CDH1: variants seen among roughly 807,000 people sequenced by gnomAD.
CDH1 encodes cadherin-1.
CDH1 carries 35 observed loss-of-function variants against 84.5 expected under a neutral mutation model. That is an observed-to-expected ratio of 0.41 (90% CI 0.32 to 0.55). The LOEUF is 0.55. CDH1 is among the 20% of genes least tolerant of loss of function. The pLI is 0.19. For missense variants in CDH1, 994 were observed against 1,126.6 expected (o/e 0.88, Z 1.68); for synonymous variants, 417 against 439.0 (o/e 0.95, Z 0.63).
rs3074434 is a variant in CDH1, at chr16:68,786,534, C to CTTTTTTTTTTTTTTTT, written c.164-15132_164-15117dup. Reference sequence around the variant, plus strand: ...CTTTCTGCTTTCTTTTTTTTTTTTTCTTTTTTTTTTTTTTTTTTTGGTATT... The same window carrying CTTTTTTTTTTTTTTTT: ...CTTTCTGCTTTCTTTTTTTTTTTTTCTTTTTTTTTTTTTTTTTTTTTTTTTTTTTTTTTTTGGTATT... On this transcript the variant is annotated intron_variant, in intron 2 of 15. Transcript: ENST00000261769. Among the ~76,000 whole-genome samples the CTTTTTTTTTTTTTTTT allele has an allele frequency of 2.5e-3, 185 of 73,946 alleles. 7 individuals are homozygous for CTTTTTTTTTTTTTTTT. The highest frequency in any genetic ancestry group is 2.9e-3 in the African/African-American group (50 of 16,950). 48.5% of individuals were successfully genotyped at this position (73,946 alleles called of 152,430 possible). A position where few individuals can be genotyped will look rare whatever the true frequency, so the allele number is the denominator to read the frequency against.
At chr16:68,792,871 C>T (rs1402442390) in intron 2 of CDH1, among the ~76,000 whole-genome samples, 1 of 152,222 alleles carries the variant, frequency 6.6e-6, no homozygotes, top group Non-Finnish European at 1.5e-5. Context: ...GCCAAGGGGA[C>T]TTTGCTCCCT....
At chr16:68,762,595 C>G (rs1959251192) in intron 2 of CDH1, among the ~76,000 whole-genome samples, 1 of 152,060 alleles carries the variant, frequency 6.6e-6, no homozygotes, top group African/African-American at 2.4e-5. Flanking sequence ...TTGCTCCTCT[C>G]AGAAACAAAA....
chr16:68,810,118 C>T, intron 5 of CDH1, 79 bp from the exon 6 acceptor site: 1 of 1,492,508 alleles, frequency 6.7e-7, no homozygotes, highest in South Asian at 1.1e-5. Context: ...CAGGGGGGCG[C>T]ACTCTGCTCT....
chr16:68,814,229 G>C (rs750660431), intron 9 of CDH1: 1 of 153,204 alleles, frequency 6.5e-6, no homozygotes, highest in South Asian at 2.1e-4. Flanking sequence ...GTGAGACTTC[G>C]TCTCAAAAAA....
chr16:68,783,388 CAA>C (rs375080273), intron 2 of CDH1, among the ~76,000 whole-genome samples: 11 of 61,950 alleles, frequency 1.8e-4, no homozygotes, highest in Non-Finnish European at 2.7e-4. Context: ...CAGAGTATCT[CAA>C]AAAAAAAAAA....
At chr16:68,811,198 G>T (rs1037115488) in intron 6 of CDH1, among the ~76,000 whole-genome samples, 4 of 151,964 alleles carry the variant, frequency 2.6e-5, no homozygotes, top group Non-Finnish European at 5.9e-5. Flanking sequence ...AGGAGTTTGA[G>T]ACCAGCCTGA....
chr16:68,833,869 C>G lies in CDH1; in HGVS notation c.*370C>G, dbSNP rs1335210274. On this transcript the variant is annotated 3_prime_UTR_variant, in exon 16 of 16. Coordinates refer to ENST00000261769, the MANE Select transcript of CDH1 (RefSeq NM_004360.5). ...CACTTTTAAAAAGAAGGGGAGAAGTCAGCTACTCTAGTTCTGTTGTTTTGT... is the reference window on the plus strand; with the variant it reads ...CACTTTTAAAAAGAAGGGGAGAAGTGAGCTACTCTAGTTCTGTTGTTTTGT... 2 of 381,968 alleles carry G rather than the reference C, an allele frequency of 5.2e-6. No individual in the cohort carries two copies. The highest frequency in any genetic ancestry group is 4.3e-5 in the Admixed American group (1 of 23,074). The allele number at this position is 381,968 out of a possible 1,614,324, so 23.7% of individuals were successfully genotyped here.
intron 2 of CDH1, among the ~76,000 whole-genome samples, chr16:68,792,165 T>C (rs1960224553): frequency 6.6e-6 from 1 of 150,494 alleles, no homozygotes; most frequent in African/African-American, 2.5e-5. Flanking sequence ...AGGTGATCCA[T>C]CTGCCTCAGC....
intron 10 of CDH1, among the ~76,000 whole-genome samples, chr16:68,818,239 CAAA>C (rs576537213): frequency 7.2e-5 from 6 of 83,548 alleles, no homozygotes; most frequent in Non-Finnish European, 5.7e-5. Context: ...GACTCTGTCC[CAAA>C]AAAAAAAAAA....
In CDH1 at chr16:68,825,074, T is replaced by C. The variant is rs184044648; in HGVS notation, c.2164+1448T>C. 3.3e-4 allele frequency among the ~76,000 whole-genome samples: 50 copies of C among 150,654 alleles called. 1 individual carries two copies. The East Asian group carries it at 5.0e-3, about 15-fold the overall frequency. Reference sequence around the variant, plus strand: ...CAGCCTGGGCAACAAAGCAAGACTGTCTCTACAAAATAAAAATAAAAAATA... The same window carrying C: ...CAGCCTGGGCAACAAAGCAAGACTGCCTCTACAAAATAAAAATAAAAAATA... On this transcript the variant is annotated intron_variant, in intron 13 of 15. Transcript: ENST00000261769.
At chr16:68,777,534 CTTTT>C (rs71148949) in intron 2 of CDH1, among the ~76,000 whole-genome samples, 8 of 76,966 alleles carry the variant, frequency 1.0e-4, no homozygotes, top group Admixed American at 4.1e-4. Context: ...GTAATGTTTC[CTTTT>C]TTTTTTTTTT....
rs570128373 is a variant in CDH1 at position 68,813,585 on chromosome 16, G to T, written c.1320+90G>T. 4.2e-5 allele frequency: 55 copies of T among 1,321,092 alleles called. No homozygotes were observed. In the East Asian group the frequency reaches 9.2e-4, roughly 22 times the overall value. The allele number at this position is 1,321,092 out of a possible 1,614,324, so 81.8% of individuals were successfully genotyped here. A position where few individuals can be genotyped will look rare whatever the true frequency, so the allele number is the denominator to read the frequency against. On this transcript the variant is annotated intron_variant, in intron 9 of 15. Coordinates refer to ENST00000261769, the MANE Select transcript of CDH1 (RefSeq NM_004360.5). ...CTGGTATCTTCTTAGAAGTAGATTC[G>T]CTTTGGCAGGGGGACAGGGTGACTT...
At chr16:68,797,046 G>A (rs1340779589) in intron 2 of CDH1, among the ~76,000 whole-genome samples, 2 of 152,160 alleles carry the variant, frequency 1.3e-5, no homozygotes, top group Non-Finnish European at 2.9e-5. Context: ...GGCAGCACAT[G>A]CTTAAAATAG....
chr16:68,797,136 C>G (rs1275358638), intron 2 of CDH1, among the ~76,000 whole-genome samples: 1 of 152,176 alleles, frequency 6.6e-6, no homozygotes, highest in Non-Finnish European at 1.5e-5. Flanking sequence ...CCTGTAATCC[C>G]AGAACTTTGG....
At chr16:68,788,617 C>A (rs1960129454) in intron 2 of CDH1, among the ~76,000 whole-genome samples, 2 of 152,138 alleles carry the variant, frequency 1.3e-5, no homozygotes, top group Non-Finnish European at 2.9e-5. Context: ...AGTAGCTATA[C>A]CATATTTTAC....
At chr16:68,758,207 CTTTTTTTTTTTTT>C (rs57413297) in intron 2 of CDH1, among the ~76,000 whole-genome samples, 640 of 40,056 alleles carry the variant, frequency 0.016, 18 homozygotes, top group African/African-American at 0.058. Context: ...CTTTTTATTT[CTTTTTTTTTTTTT>C]TTTTTTTTTT....
chr16:68,745,550 A>ATATATATATATATATGTG (rs747315843), intron 2 of CDH1, among the ~76,000 whole-genome samples: 4 of 50,498 alleles, frequency 7.9e-5, no homozygotes, highest in Non-Finnish European at 1.3e-4. Context: ...AAAAAAAAAA[A>ATATATATATATATATGTG]TATATATATA....
chr16:68,786,712 C>T (rs1193586164), intron 2 of CDH1, among the ~76,000 whole-genome samples: 1 of 151,832 alleles, frequency 6.6e-6, no homozygotes, highest in Non-Finnish European at 1.5e-5. Flanking sequence ...CTTATTTGTT[C>T]TTGATAATGA....
intron 13 of CDH1, among the ~76,000 whole-genome samples, chr16:68,826,850 A>G (rs950569724): frequency 3.3e-5 from 5 of 152,174 alleles, no homozygotes; most frequent in Admixed American, 3.3e-4. Flanking sequence ...CTTGTTGATG[A>G]ATCATGGACA....
Sources: gnomAD v4.1 joint callset for allele counts (sites outside exome capture counted in the v4.1 genomes callset) on GRCh38, gnomAD v4.1.1 for gene constraint, MANE v1.5 for transcripts, NCBI Gene and HGNC (gene_info 2026-07-23, HGNC 2026-07-21) for gene names.